The following ANO8 variants were observed in gnomAD, a reference collection of about 807,000 sequenced individuals.
ANO8 encodes anoctamin-8.
ANO8 carries 67 observed loss-of-function variants against 120.4 expected under a neutral mutation model. The ratio of observed to expected loss-of-function variants is 0.56; its 90% CI spans 0.46 to 0.68. The LOEUF is 0.68. ANO8 is among the 30% of genes least tolerant of loss of function. The pLI is 0.00. For synonymous variants in ANO8, 727 were observed against 759.2 expected (o/e 0.96, Z 0.70); for missense variants, 1,526 against 1,737.6 (o/e 0.88, Z 2.16).
rs2074261860 is a variant in ANO8 at position 17,324,766 on chromosome 19, C to T, written c.3282G>A (p.Glu1094=). 6.5e-7 allele frequency: 1 copy of T among 1,549,074 alleles called. No individual in the cohort carries two copies. The highest frequency in any genetic ancestry group is 2.0e-5 in the Admixed American group (1 of 49,912). Residue 1094 remains glutamate, a synonymous_variant, in exon 17 of 18, where the codon GAG becomes GAA. Transcript: ENST00000159087. ...GGGCTTCCAGCTCCTCAGCCAGGGC[C>T]TCGTCCACCGGCCCACTCCTCTGAA... ...SRVQRSGPVD[E]ALAEELEAPR...
intron 12 of ANO8, chr19:17,329,295 GC>G: frequency 5.3e-6 from 2 of 374,142 alleles, no homozygotes; most frequent in Non-Finnish European, 9.6e-6. Context: ...CTTGCTGGCC[GC>G]CCCCGACCCC....
intron 12 of ANO8, 164 bp from the exon 13 acceptor site, chr19:17,329,147 C>G (rs931070361): frequency 7.9e-5 from 43 of 546,432 alleles, no homozygotes; most frequent in Non-Finnish European, 1.3e-4. Flanking sequence ...CGCGAGGCCC[C>G]CAGCGCTCAG....
intron 13 of ANO8, 51 bp from the exon 14 acceptor site, chr19:17,327,931 T>C: frequency 6.3e-7 from 1 of 1,584,956 alleles, no homozygotes; most frequent in Non-Finnish European, 8.6e-7. Context: ...GGGACAATCT[T>C]TCTCCCATTG....
At position 17,333,093 on chromosome 19, in the gene ANO8, G is replaced by T; in HGVS notation, c.489+8C>A. The T allele has an allele frequency of 1.2e-6, 2 of 1,613,732 alleles. No individual in the cohort carries two copies. Among genetic ancestry groups the T allele is most frequent in the Middle Eastern group, 3.3e-4 (2 of 6,062 alleles). ...AGGATGCATGCGGGGGCCCAGAGCCGGCCTCACCTGGGAGGTGAAGAAGCG... is the reference window on the plus strand; with the variant it reads ...AGGATGCATGCGGGGGCCCAGAGCCTGCCTCACCTGGGAGGTGAAGAAGCG... On this transcript the variant is annotated splice_region_variant and intron_variant, in intron 4 of 17. Transcript: ENST00000159087. This position sits in a 1 kb window ranked among gnomAD's most constrained non-coding sequence, Gnocchi z 7.2.
At position 17,330,715 on chromosome 19, in the gene ANO8, C is replaced by A. The variant is rs910606375; in HGVS notation, c.993+113G>T. ...ACAGAGCCCGCCTCGGTTTGGCATA[C>A]CCTCTTTGATGAAACAATCCTGTTT... On this transcript the variant is annotated intron_variant, in intron 8 of 17. Transcript: ENST00000159087. 21 of 1,473,054 alleles carry A rather than the reference C, an allele frequency of 1.4e-5. No individual in the cohort carries two copies. In the African/African-American group the frequency reaches 2.7e-4, roughly 19 times the overall value. 91.2% of individuals were successfully genotyped at this position (1,473,054 alleles called of 1,614,324 possible).
intron 16 of ANO8, among the ~76,000 whole-genome samples, chr19:17,326,793 T>C (rs1599544344): frequency 2.6e-5 from 4 of 152,294 alleles, no homozygotes; most frequent in East Asian, 1.9e-4. Context: ...CTAGGAAGCC[T>C]CCGCTGTGTC....
In ANO8 at chr19:17,333,782, C is replaced by A; in HGVS notation, c.125G>T (p.Arg42Leu). 6.2e-7 allele frequency: 1 copy of A among 1,601,846 alleles called. No homozygotes were observed. The highest frequency in any genetic ancestry group is 8.5e-7 in the Non-Finnish European group (1 of 1,175,444). ...CAGGTAGCGACCAGCCTGCAGGAGCCGCTTTCCGAAAAGCTTATCTAGGGG... is the reference window on the plus strand; with the variant it reads ...CAGGTAGCGACCAGCCTGCAGGAGCAGCTTTCCGAAAAGCTTATCTAGGGG... ...SGVLDKLFGK[R>L]LLQAGRYLVS... Residue 42 changes from arginine to leucine, a missense_variant, in exon 2 of 18, where the codon CGG (arginine) becomes CTG (leucine). Physicochemically the swap from Arg to Leu is moderately radical, Grantham distance 102. Transcript: ENST00000159087. The surrounding 1 kb of genome is among the most constrained non-coding windows in gnomAD (Gnocchi z 7.2).
Position 17,333,294 on chromosome 19 carries a change from G to A in ANO8, c.351-55C>T. The A allele has an allele frequency of 6.2e-7, 1 of 1,602,010 alleles. No homozygotes were observed. Among genetic ancestry groups the A allele is most frequent in the South Asian group, 1.1e-5 (1 of 90,500 alleles). ...CAGGGAGGCCCCGGCCCACCATCCT[G>A]GAGCTGAGGATGGTGCACCTGGCAG... On this transcript the variant is annotated intron_variant, in intron 3 of 17. Coordinates refer to ENST00000159087, the MANE Select transcript of ANO8 (RefSeq NM_020959.3). This position sits in a 1 kb window ranked among gnomAD's most constrained non-coding sequence, Gnocchi z 7.2.
In ANO8 at chr19:17,328,851, G is replaced by C. The variant is rs781174259; in HGVS notation, c.1537C>G (p.Leu513Val). 2.7e-5 allele frequency: 40 copies of C among 1,483,842 alleles called. 1 individual carries two copies. The highest frequency in any genetic ancestry group is 1.1e-4 in the Admixed American group (5 of 44,880). 91.9% of individuals were successfully genotyped at this position (1,483,842 alleles called of 1,614,324 possible). Residue 513 changes from leucine (L) to valine (V), a missense_variant, in exon 13 of 18, where the codon CTT (leucine) becomes GTT (valine). Physicochemically the swap from Leu to Val is conservative, Grantham distance 32. Transcript: ENST00000159087. ...RAVWELARAL[L>V]GLLSLRRPAP... ...GGGCGCCGGAGGCTCAGGAGGCCAA[G>C]CAGGGCTCGGGCCAGCTCCCAGACG...
At position 17,328,343 on chromosome 19, in the gene ANO8, G is replaced by A. The variant is rs760166919; in HGVS notation, c.2045C>T (p.Ala682Val). 2 of 1,577,820 alleles carry A rather than the reference G, an allele frequency of 1.3e-6. No homozygotes were observed. Among genetic ancestry groups the A allele is most frequent in the South Asian group, 1.1e-5 (1 of 88,100 alleles). ...CCCCTGGTCTCGGCCCTCGCCCCCG[G>A]CCCGGCGGAACAAGATGGCCGGGGG... ...REPPAILFRR[A>V]GGEGRDQGPD... Residue 682 changes from alanine to valine, a missense_variant, in exon 13 of 18, where the codon GCC becomes GTC. Physicochemically the swap from Ala to Val is moderately conservative, Grantham distance 64. Around this residue, in one of 8 missense-constraint regions of ANO8, gnomAD observed 467 missense variants for 425.8 expected, o/e 1.10. Coordinates refer to ENST00000159087, the MANE Select transcript of ANO8 (RefSeq NM_020959.3).
chr19:17,323,629 C>T lies in ANO8; in HGVS notation c.3587G>A (p.Ser1196Asn). Residue 1196 changes from serine (S) to asparagine (N), a missense_variant, in exon 18 of 18, where the codon AGC becomes AAC. Transcript: ENST00000159087. ...QPLPGDASFYSLPPPPLPPTS... is the reference protein window; with the variant it reads ...QPLPGDASFYNLPPPPLPPTS... ...GGGCGGTAGCGGTGGGGGCGGGAGG[C>T]TGTAAAAGCTGGCGTCTCCCGGCAG... The T allele has an allele frequency of 1.2e-6, 1 of 844,030 alleles. No individual in the cohort carries two copies. Among genetic ancestry groups the T allele is most frequent in the Non-Finnish European group, 1.4e-6 (1 of 724,628 alleles). 52.3% of individuals were successfully genotyped at this position (844,030 alleles called of 1,614,324 possible).
Position 17,327,429 on chromosome 19 carries a change from C to T in ANO8, c.2550+9G>A, listed in dbSNP as rs773944466. 1 of 1,599,648 alleles carries T rather than the reference C, an allele frequency of 6.3e-7. No individual in the cohort carries two copies. Among genetic ancestry groups the T allele is most frequent in the Non-Finnish European group, 8.5e-7 (1 of 1,173,180 alleles). On this transcript the variant is annotated intron_variant, in intron 15 of 17. Transcript: ENST00000159087. ...TCCCAGCTGCCCCCGCCCCTGTCGC[C>T]GGCCCCACCTCGAGCACTACCACCG...
rs780288341 is a variant in ANO8 at position 17,334,636 on chromosome 19, G to T, written c.35C>A (p.Ser12Tyr). ...CCTCTTGCCACGCTCGCCCTCCAGG[G>T]ACGTGCCCCCGGCGCCGGAGGCGGC... ...AEAASGAGGTSLEGERGKRPP... is the reference protein window; with the variant it reads ...AEAASGAGGTYLEGERGKRPP... Residue 12 changes from serine to tyrosine, a missense_variant, in exon 1 of 18, where the codon TCC becomes TAC. Physicochemically the swap from Ser to Tyr is moderately radical, Grantham distance 144. Around this residue, in one of 8 missense-constraint regions of ANO8, gnomAD observed 53 missense variants for 45.0 expected, o/e 1.18. Transcript: ENST00000159087. The T allele has an allele frequency of 3.3e-6, 5 of 1,498,330 alleles. No homozygotes were observed. The highest frequency in any genetic ancestry group is 4.4e-5 in the Admixed American group (2 of 45,820). 92.8% of individuals were successfully genotyped at this position (1,498,330 alleles called of 1,614,324 possible).
chr19:17,325,378 C>A lies in ANO8; in HGVS notation c.2670G>T (p.Glu890Asp). The stretch of plus-strand genomic sequence containing the variant: ...GCTGGTAGCGATGCTGGGCCTGGCG[C>A]TCGTGTCTCTGCAGGTAGAGCCAAG... ...YQRREAFKRHERQAQHRYQQQ... is the reference protein window; with the variant it reads ...YQRREAFKRHDRQAQHRYQQQ... The change falls in exon 17 of 18, where the codon GAG becomes GAT. Residue 890 changes from glutamate to aspartate, a missense_variant. Glu to Asp is a conservative substitution (Grantham distance 45). Around this residue, in one of 8 missense-constraint regions of ANO8, gnomAD observed 489 missense variants for 548.6 expected, o/e 0.89. Coordinates refer to ENST00000159087, the MANE Select transcript of ANO8 (RefSeq NM_020959.3). 6.3e-7 allele frequency: 1 copy of A among 1,584,082 alleles called. No homozygotes were observed. Among genetic ancestry groups the A allele is most frequent in the Non-Finnish European group, 8.5e-7 (1 of 1,170,488 alleles).
rs1163979794 is a variant in ANO8 at position 17,323,649 on chromosome 19, C to T, written c.3567G>A (p.Pro1189=). 37 of 309,998 alleles carry T rather than the reference C, an allele frequency of 1.2e-4. No individual in the cohort carries two copies. Among genetic ancestry groups the T allele is most frequent in the East Asian group, 9.5e-4 (3 of 3,172 alleles). 19.2% of individuals were successfully genotyped at this position (309,998 alleles called of 1,614,324 possible). Residue 1189 remains proline (P), a synonymous_variant, in exon 18 of 18, where the codon CCG becomes CCA. Transcript: ENST00000159087. ...GGAGGCTGTAAAAGCTGGCGTCTCCCGGCAGGGGCTGGGGGGCGGGTGGGG... is the reference window on the plus strand; with the variant it reads ...GGAGGCTGTAAAAGCTGGCGTCTCCTGGCAGGGGCTGGGGGGCGGGTGGGG... The part of the protein sequence containing the change: ...AGPPPAPQPL[P]GDASFYSLPP...
chr19:17,323,811 TGGC>T lies in ANO8; in HGVS notation c.3402_3404del (p.Pro1135del). On this transcript the variant is annotated inframe_deletion, in exon 18 of 18. Transcript: ENST00000159087. The stretch of plus-strand genomic sequence containing the variant: ...GTGTCGGGGGCCGGGGCAGCGGCAT[TGGC>T]GGCGGCGGCGCGGGGCTCCGGCTGC... The T allele has an allele frequency of 1.7e-6, 2 of 1,143,678 alleles. No individual in the cohort carries two copies. Among genetic ancestry groups the T allele is most frequent in the Non-Finnish European group, 2.1e-6 (2 of 931,300 alleles). The allele number at this position is 1,143,678 out of a possible 1,614,324, so 70.8% of individuals were successfully genotyped here. A position where few individuals can be genotyped will look rare whatever the true frequency, so the allele number is the denominator to read the frequency against.
chr19:17,329,932 C>T (rs2074304304), intron 11 of ANO8, 27 bp downstream of exon 11: 2 of 1,613,956 alleles, frequency 1.2e-6, no homozygotes. Context: ...CCGTTGTCCC[C>T]CTGCCTGTCC....
Position 17,333,903 on chromosome 19 carries a change from C to A in ANO8, c.107-103G>T, listed in dbSNP as rs1417687699. 1.0e-6 allele frequency: 1 copy of A among 974,162 alleles called. No individual in the cohort carries two copies. The highest frequency in any genetic ancestry group is 1.6e-6 in the Non-Finnish European group (1 of 635,716). 60.3% of individuals were successfully genotyped at this position (974,162 alleles called of 1,614,324 possible). A position where few individuals can be genotyped will look rare whatever the true frequency, so the allele number is the denominator to read the frequency against. On this transcript the variant is annotated intron_variant, in intron 1 of 17. Coordinates refer to ENST00000159087, the MANE Select transcript of ANO8 (RefSeq NM_020959.3). The surrounding 1 kb of genome is among the most constrained non-coding windows in gnomAD (Gnocchi z 7.2). ...CCCGCCAGGGCTCCTCACCACTCCACCTGGCATTCAAGGCCCCGGGAGCTC... is the reference window on the plus strand; with the variant it reads ...CCCGCCAGGGCTCCTCACCACTCCAACTGGCATTCAAGGCCCCGGGAGCTC...
chr19:17,323,533 G>A lies in ANO8; in HGVS notation c.3683C>T (p.Pro1228Leu), dbSNP rs1291144654. 5 of 1,293,508 alleles carry A rather than the reference G, an allele frequency of 3.9e-6. No individual in the cohort carries two copies. The highest frequency in any genetic ancestry group is 6.4e-5 in the South Asian group (2 of 31,326). 80.1% of individuals were successfully genotyped at this position (1,293,508 alleles called of 1,614,324 possible). Residue 1228 changes from proline to leucine, a missense_variant, in exon 18 of 18, where the codon CCC becomes CTC. Physicochemically the swap from Pro to Leu is moderately conservative, Grantham distance 98. Coordinates refer to ENST00000159087, the MANE Select transcript of ANO8 (RefSeq NM_020959.3). ...PSPSPQAVCWPSGWH is the reference protein window; with the variant it reads ...PSPSPQAVCWLSGWH The stretch of plus-strand genomic sequence containing the variant: ...CGGGTAGAGCTAATGCCAGCCGCTG[G>A]GCCAGCACACGGCCTGGGGGCTGGG...
Sources: allele counts gnomAD v4.1 joint callset (sites outside exome capture counted in the v4.1 genomes callset), GRCh38; gene constraint gnomAD v4.1.1; regional missense constraint gnomAD v4.1.1; non-coding constraint Gnocchi (gnomAD v3.1); transcripts MANE v1.5; gene names NCBI Gene and HGNC (gene_info 2026-07-23, HGNC 2026-07-21).